The following AKAP9 variants were observed in gnomAD, a reference collection of about 807,000 sequenced individuals.
AKAP9 encodes A-kinase anchor protein 9.
In AKAP9, 311 loss-of-function variants were observed where a neutral mutation model predicts 488.5. That is an observed-to-expected ratio of 0.64 (90% CI 0.58 to 0.70). The LOEUF (loss-of-function observed/expected upper bound fraction) is 0.70. Ranked by LOEUF, AKAP9 falls within the 30% of genes least tolerant of loss-of-function variation. AKAP9 has a pLI of 0.00. For synonymous variants in AKAP9, 1,462 were observed against 1,483.5 expected (o/e 0.99, Z 0.33); for missense variants, 4,215 against 4,374.5 (o/e 0.96, Z 1.03).
Position 91,993,730 on chromosome 7 carries a change from G to A in AKAP9, c.576+675G>A, listed in dbSNP as rs141648002. On this transcript the variant is annotated intron_variant, in intron 5 of 49. Coordinates refer to ENST00000356239, the MANE Select transcript of AKAP9 (RefSeq NM_005751.5). ...AACACAGACTCTTTTTTAACTTTATGATAGCTAGCCTGAAATCACTTTAAT... is the reference window on the plus strand; with the variant it reads ...AACACAGACTCTTTTTTAACTTTATAATAGCTAGCCTGAAATCACTTTAAT... Among the ~76,000 whole-genome samples, 23 of 152,274 alleles carry A rather than the reference G, an allele frequency of 1.5e-4. No individual in the cohort carries two copies. The East Asian group carries it at 4.2e-3, about 28-fold the overall frequency.
intron 3 of AKAP9, 134 bp from the exon 4 acceptor site, chr7:91,992,024 G>T (rs1022118256): frequency 4.1e-6 from 3 of 730,026 alleles, no homozygotes; most frequent in Admixed American, 4.2e-5. Flanking sequence ...ATTAATCTCT[G>T]TATCTGTTTT....
At position 92,042,016 on chromosome 7, in the gene AKAP9, T is replaced by C. The variant is rs1213658296; in HGVS notation, c.4918-30T>C. 3 of 1,610,822 alleles carry C rather than the reference T, an allele frequency of 1.9e-6. No homozygotes were observed. The Admixed American group carries it at 5.0e-5, about 27-fold the overall frequency. ...TACCCTTTTTCTCTATCACAAACAG[T>C]ATTCTTTCATGACCTTTTTTCTTAT... On this transcript the variant is annotated intron_variant, in intron 18 of 49. Coordinates refer to ENST00000356239, the MANE Select transcript of AKAP9 (RefSeq NM_005751.5).
In AKAP9 at chr7:92,070,948, A is replaced by G. The variant is rs760453118; in HGVS notation, c.6551A>G (p.Glu2184Gly). 4 of 1,614,110 alleles carry G rather than the reference A, an allele frequency of 2.5e-6. No individual in the cohort carries two copies. The highest frequency in any genetic ancestry group is 3.4e-6 in the Non-Finnish European group (4 of 1,179,994). Reference sequence around the variant, plus strand: ...TTTGGAGCTGTAGAAGCTAAACCAGAATTGTCCCTAGAAGTACAATTGCAG... The same window carrying G: ...TTTGGAGCTGTAGAAGCTAAACCAGGATTGTCCCTAGAAGTACAATTGCAG... ...KHFGAVEAKP[E>G]LSLEVQLQAE... Residue 2184 changes from glutamate (E) to glycine (G), a missense_variant, in exon 28 of 50, where the codon GAA (glutamate) becomes GGA (glycine). By Grantham distance (98) the Glu-to-Gly change is moderately conservative. This residue lies in a region of AKAP9 where 2,361 missense variants were observed against 2,430.0 expected (regional missense o/e 0.97). Coordinates refer to ENST00000356239, the MANE Select transcript of AKAP9 (RefSeq NM_005751.5).
At chr7:92,063,099 C>A (rs1287961987) in intron 24 of AKAP9, among the ~76,000 whole-genome samples, 1 of 152,034 alleles carries the variant, frequency 6.6e-6, no homozygotes, top group Non-Finnish European at 1.5e-5. Context: ...TCCTGTTTAC[C>A]ATGTCCTCTC....
At chr7:91,982,166 C>CGTACGTATGTAT (rs763800909) in intron 3 of AKAP9, among the ~76,000 whole-genome samples, 1 of 150,252 alleles carries the variant, frequency 6.7e-6, no homozygotes, top group African/African-American at 2.5e-5. Context: ...ATTTTACGTA[C>CGTACGTATGTAT]GTATGTATGT....
At chr7:92,068,379 AAAAAAAAAG>A (rs1324223386) in intron 26 of AKAP9, among the ~76,000 whole-genome samples, 13 of 151,408 alleles carry the variant, frequency 8.6e-5, no homozygotes, top group African/African-American at 3.1e-4. Context: ...AAAAAAAAAA[AAAAAAAAAG>A]AAAAAAGTTA....
chr7:92,017,850 A>C (rs191102172), intron 12 of AKAP9, among the ~76,000 whole-genome samples: 2 of 152,278 alleles, frequency 1.3e-5, no homozygotes, highest in East Asian at 3.9e-4. Context: ...AATTAAGTAC[A>C]ACCTTATCTA....
intron 17 of AKAP9, among the ~76,000 whole-genome samples, chr7:92,040,391 A>C (rs1274077256): frequency 6.6e-6 from 1 of 152,112 alleles, no homozygotes; most frequent in African/African-American, 2.4e-5. Flanking sequence ...TAAGTATCTT[A>C]GTTCTTTTTT....
In AKAP9 at chr7:92,034,486, A is replaced by ATATC. The variant is rs1554424495; in HGVS notation, c.4338+2885_4338+2886insCTAT. ...TGTATTGTAGTGTATATATCTATATATATATATATATATTTTTTTTTTTTT... is the reference window on the plus strand; with the variant it reads ...TGTATTGTAGTGTATATATCTATATATATCTATATATATATATTTTTTTTTTTTT... On this transcript the variant is annotated intron_variant, in intron 16 of 49. Transcript: ENST00000356239. 8.7e-5 allele frequency among the ~76,000 whole-genome samples: 8 copies of ATATC among 92,308 alleles called. No homozygotes were observed. In the South Asian group the frequency reaches 1.3e-3, roughly 15 times the overall value. 60.6% of individuals were successfully genotyped at this position (92,308 alleles called of 152,430 possible).
Position 92,002,164 on chromosome 7 carries a change from A to C in AKAP9, c.2247A>C (p.Gln749His). 6.3e-7 allele frequency: 1 copy of C among 1,593,394 alleles called. No homozygotes were observed. The highest frequency in any genetic ancestry group is 8.5e-7 in the Non-Finnish European group (1 of 1,174,118). The part of the protein sequence containing the change: ...GTLEQEVQEL[Q>H]LKTELLEKQM... Reference sequence around the variant, plus strand: ...TTGAACAAGAAGTTCAAGAATTACAACTTAAAACAGAATTGTTAGAAAAAC... The same window carrying C: ...TTGAACAAGAAGTTCAAGAATTACACCTTAAAACAGAATTGTTAGAAAAAC... Residue 749 changes from glutamine (Q) to histidine (H), a missense_variant, in exon 8 of 50, where the codon CAA becomes CAC. By Grantham distance (24) the Gln-to-His change is conservative. This residue lies in a region of AKAP9 where 2,361 missense variants were observed against 2,430.0 expected (regional missense o/e 0.97). Coordinates refer to ENST00000356239, the MANE Select transcript of AKAP9 (RefSeq NM_005751.5).
In AKAP9 at chr7:92,022,317, C is replaced by G; in HGVS notation, c.3917C>G (p.Ser1306Ter). Residue 1306 changes from serine (S) to a stop codon, truncating the protein, a stop_gained, in exon 13 of 50, where the codon TCA becomes TGA. Transcript: ENST00000356239. LOFTEE classifies it high-confidence loss of function. ...CCAAAAGAGGAAACAGAGTTTTTAT[C>G]AATCCATTCTCAGATGACCAATTTG... ...NLPKEETEFL[S>*]IHSQMTNLED... 6.2e-7 allele frequency: 1 copy of G among 1,613,120 alleles called. No individual in the cohort carries two copies. The highest frequency in any genetic ancestry group is 8.5e-7 in the Non-Finnish European group (1 of 1,179,248).
chr7:92,050,570 C>T (rs1046902797), intron 21 of AKAP9, among the ~76,000 whole-genome samples: 1 of 152,150 alleles, frequency 6.6e-6, no homozygotes, highest in African/African-American at 2.4e-5. Context: ...CTCTTTTTGT[C>T]TGTTGGAACA....
rs549637731 is a variant in AKAP9, at chr7:92,096,651, A to G, written c.9730-38A>G. ...CACGCCCGGCCAAGTATTTTTAATA[A>G]TATTAACAAGTTCTTAAATTTGATT... On this transcript the variant is annotated intron_variant, in intron 40 of 49. Coordinates refer to ENST00000356239, the MANE Select transcript of AKAP9 (RefSeq NM_005751.5). 3.7e-6 allele frequency: 6 copies of G among 1,611,774 alleles called. No homozygotes were observed. In the East Asian group the frequency reaches 6.7e-5, roughly 18 times the overall value.
intron 46 of AKAP9, among the ~76,000 whole-genome samples, chr7:92,103,855 T>C (rs956907655): frequency 8.5e-5 from 13 of 152,234 alleles, no homozygotes; most frequent in Non-Finnish European, 1.9e-4. Flanking sequence ...TGCCCAGTTA[T>C]GGAAGGTCCT....
chr7:92,042,639 C>T lies in AKAP9; in HGVS notation c.5059-29C>T, dbSNP rs911223695. On this transcript the variant is annotated intron_variant, in intron 19 of 49. Transcript: ENST00000356239. ...TTGACAGGTTTTCTTTCTGTCTTCT[C>T]CTCTCTTCCTTTACACAAACTTAAA... 6.0e-6 allele frequency: 9 copies of T among 1,508,398 alleles called. No homozygotes were observed. In the African/African-American group the frequency reaches 1.1e-4, roughly 18 times the overall value. 93.4% of individuals were successfully genotyped at this position (1,508,398 alleles called of 1,614,324 possible).
At chr7:91,954,131 T>C (rs1792641293) in intron 1 of AKAP9, among the ~76,000 whole-genome samples, 1 of 152,140 alleles carries the variant, frequency 6.6e-6, no homozygotes, top group Non-Finnish European at 1.5e-5. Flanking sequence ...GGTGCCATTC[T>C]CTCCATCATT....
chr7:91,976,885 T>C (rs1795769305), intron 2 of AKAP9, among the ~76,000 whole-genome samples: 1 of 152,226 alleles, frequency 6.6e-6, no homozygotes, highest in Non-Finnish European at 1.5e-5. Context: ...GGTGTTGTTC[T>C]TACAATTTAA....
intron 14 of AKAP9, among the ~76,000 whole-genome samples, chr7:92,025,116 T>G (rs1464881253): frequency 6.6e-6 from 1 of 152,200 alleles, no homozygotes; most frequent in Non-Finnish European, 1.5e-5. Context: ...ACGGAACCCA[T>G]AGATTGACAT....
chr7:91,991,693 G>A (rs537567230), intron 3 of AKAP9, among the ~76,000 whole-genome samples: 61 of 151,594 alleles, frequency 4.0e-4, no homozygotes, highest in South Asian at 4.0e-3. Context: ...GGATGGTCTC[G>A]ATCTCCTGAG....
Sources: allele counts gnomAD v4.1 joint callset (sites outside exome capture counted in the v4.1 genomes callset), GRCh38; gene constraint gnomAD v4.1.1; regional missense constraint gnomAD v4.1.1; transcripts MANE v1.5; gene names NCBI Gene and HGNC (gene_info 2026-07-23, HGNC 2026-07-21).